The following PIK3R5 variants were observed in gnomAD, a reference collection of about 807,000 sequenced individuals.
The protein encoded by PIK3R5 is phosphoinositide 3-kinase regulatory subunit 5.
In PIK3R5, 32 loss-of-function variants were observed where a neutral mutation model predicts 94.9. That is an observed-to-expected ratio of 0.34 (90% CI 0.25 to 0.45). PIK3R5 has a LOEUF of 0.45. Ranked by LOEUF, PIK3R5 falls within the 20% of genes least tolerant of loss-of-function variation. The pLI is 1.00. For missense variants in PIK3R5, 853 were observed against 1,144.6 expected (o/e 0.75, Z 3.68); for synonymous variants, 443 against 479.4 (o/e 0.92, Z 0.99).
Position 8,889,850 on chromosome 17 carries a change from A to G in PIK3R5, c.811+123T>C. 1 of 958,720 alleles carries G rather than the reference A, an allele frequency of 1.0e-6. No individual in the cohort carries two copies. Among genetic ancestry groups the G allele is most frequent in the Non-Finnish European group, 1.6e-6 (1 of 624,088 alleles). 59.4% of individuals were successfully genotyped at this position (958,720 alleles called of 1,614,324 possible). On this transcript the variant is annotated intron_variant, in intron 8 of 18. Coordinates refer to ENST00000447110, the MANE Select transcript of PIK3R5 (RefSeq NM_001142633.3). This position sits in a 1 kb window ranked among gnomAD's most constrained non-coding sequence, Gnocchi z 4.1. ...GGATGGCAGAGCAGTGAGATGCTGAAGAAGCTGAGTCCCTGAGTGACTGTG... is the reference window on the plus strand; with the variant it reads ...GGATGGCAGAGCAGTGAGATGCTGAGGAAGCTGAGTCCCTGAGTGACTGTG...
In PIK3R5 at chr17:8,888,635, A is replaced by G; in HGVS notation, c.1152T>C (p.Ser384=). 6.2e-7 allele frequency: 1 copy of G among 1,613,400 alleles called. No homozygotes were observed. Among genetic ancestry groups the G allele is most frequent in the East Asian group, 2.2e-5 (1 of 44,870 alleles). Reference sequence around the variant, plus strand: ...CCACGTAGCCGCTGTCCATGCCATCAGAGAGGCCTGAGACAAAGGAAGTCA... The same window carrying G: ...CCACGTAGCCGCTGTCCATGCCATCGGAGAGGCCTGAGACAAAGGAAGTCA... ...HLLTSFVSGL[S]DGMDSGYVED... is the part of the protein sequence containing the mutation. Residue 384 remains serine (S), a synonymous_variant, in exon 10 of 19, where the codon TCT becomes TCC. Transcript: ENST00000447110. The surrounding 1 kb of genome is among the most constrained non-coding windows in gnomAD (Gnocchi z 7.8).
rs1159870069 is a variant in PIK3R5 at position 8,911,014 on chromosome 17, G to T, written c.103+378C>A. ...TTATTCTATAGGGAAGAGGAGGATA[G>T]GACTATGAGGGAACTAGAAACAAAC... On this transcript the variant is annotated intron_variant, in intron 2 of 18. Coordinates refer to ENST00000447110, the MANE Select transcript of PIK3R5 (RefSeq NM_001142633.3). This position sits in a 1 kb window ranked among gnomAD's most constrained non-coding sequence, Gnocchi z 5.3. Among the ~76,000 whole-genome samples the T allele has an allele frequency of 5.9e-5, 9 of 152,320 alleles. No individual in the cohort carries two copies. In the East Asian group the frequency reaches 1.7e-3, roughly 29 times the overall value.
intron 1 of PIK3R5, among the ~76,000 whole-genome samples, chr17:8,960,012 C>CCA (rs2091533113): frequency 6.6e-6 from 1 of 152,142 alleles, no homozygotes; most frequent in Admixed American, 6.5e-5. Context: ...GAGGCCCCCC[C>CCA]ATTAGTATTG....
At chr17:8,940,808 G>A (rs186403757) in intron 1 of PIK3R5, among the ~76,000 whole-genome samples, 1 of 152,256 alleles carries the variant, frequency 6.6e-6, no homozygotes, top group Admixed American at 6.5e-5. Context: ...TGATCTGCCT[G>A]CCTCGTCCTC....
At position 8,892,839 on chromosome 17, in the gene PIK3R5, C is replaced by G. The variant is rs2090059063; in HGVS notation, c.482+747G>C. 6.6e-6 allele frequency among the ~76,000 whole-genome samples: 1 copy of G among 152,080 alleles called. No homozygotes were observed. The highest frequency in any genetic ancestry group is 1.9e-4 in the East Asian group (1 of 5,184). On this transcript the variant is annotated intron_variant, in intron 6 of 18. Transcript: ENST00000447110. This position sits in a 1 kb window ranked among gnomAD's most constrained non-coding sequence, Gnocchi z 4.3. ...TGGTGAAGGCCGGGGTCCCTGGGCT[C>G]CCAACATGTCAAGGTGAGACAGCAC...
intron 1 of PIK3R5, among the ~76,000 whole-genome samples, chr17:8,936,053 CAAA>C (rs746258155): frequency 1.6e-4 from 10 of 63,934 alleles, no homozygotes; most frequent in South Asian, 5.1e-4. Context: ...GACTCCATCT[CAAA>C]AAAAAAAAAA....
chr17:8,926,609 C>T (rs1187843827), intron 1 of PIK3R5, among the ~76,000 whole-genome samples: 1 of 152,110 alleles, frequency 6.6e-6, no homozygotes, highest in African/African-American at 2.4e-5. Context: ...ATAGAACCAT[C>T]AAATCACGTG....
chr17:8,960,837 G>A (rs914091373), intron 1 of PIK3R5, among the ~76,000 whole-genome samples: 14 of 151,746 alleles, frequency 9.2e-5, no homozygotes, highest in South Asian at 2.1e-4. Flanking sequence ...CACTCCCTCC[G>A]GGCCCCACCC....
Position 8,889,032 on chromosome 17 carries a change from C to T in PIK3R5, c.895+107G>A. On this transcript the variant is annotated intron_variant, in intron 9 of 18. Transcript: ENST00000447110. The surrounding 1 kb of genome is among the most constrained non-coding windows in gnomAD (Gnocchi z 4.1). Reference sequence around the variant, plus strand: ...CCCCTTGCTCTGCTTAGAGCCTGCTCATGTGGGAGAGCTTTGGGGACGGGG... The same window carrying T: ...CCCCTTGCTCTGCTTAGAGCCTGCTTATGTGGGAGAGCTTTGGGGACGGGG... 1.3e-6 allele frequency: 2 copies of T among 1,514,566 alleles called. No homozygotes were observed. Among genetic ancestry groups the T allele is most frequent in the South Asian group, 1.3e-5 (1 of 78,594 alleles). 93.8% of individuals were successfully genotyped at this position (1,514,566 alleles called of 1,614,324 possible).
At position 8,887,561 on chromosome 17, in the gene PIK3R5, G is replaced by A. The variant is rs538501102; in HGVS notation, c.1739C>T (p.Pro580Leu). The A allele has an allele frequency of 3.1e-6, 5 of 1,608,552 alleles. No homozygotes were observed. The South Asian group carries it at 4.4e-5, about 14-fold the overall frequency. ...GACPPPRSQT[P>L]SPPTDSPRHA... ...CCTAGGGGAGTCTGTCGGGGGTGAG[G>A]GCGTCTGGCTCCGAGGGGGTGGACA... Residue 580 changes from proline to leucine, a missense_variant, in exon 11 of 19, where the codon CCC becomes CTC. By Grantham distance (98) the Pro-to-Leu change is moderately conservative (BLOSUM62 -3). This residue lies in a region of PIK3R5 where 319 missense variants were observed against 339.8 expected (regional missense o/e 0.94). Coordinates refer to ENST00000447110, the MANE Select transcript of PIK3R5 (RefSeq NM_001142633.3).
chr17:8,890,589 G>A lies in PIK3R5; in HGVS notation c.657+149C>T. The stretch of plus-strand genomic sequence containing the variant: ...CCAGCACACCAGAAACACCCTCTAT[G>A]AGGTCAGCCCTCCAGCCACCACCCT... On this transcript the variant is annotated intron_variant, in intron 7 of 18. Transcript: ENST00000447110. The surrounding 1 kb of genome is among the most constrained non-coding windows in gnomAD (Gnocchi z 6.1). 1 of 703,264 alleles carries A rather than the reference G, an allele frequency of 1.4e-6. No individual in the cohort carries two copies. Among genetic ancestry groups the A allele is most frequent in the Non-Finnish European group, 2.3e-6 (1 of 431,236 alleles). The allele number at this position is 703,264 out of a possible 1,614,324, so 43.6% of individuals were successfully genotyped here.
chr17:8,939,711 G>A (rs1009028802), intron 1 of PIK3R5, among the ~76,000 whole-genome samples: 14 of 152,204 alleles, frequency 9.2e-5, no homozygotes, highest in African/African-American at 2.2e-4. Context: ...ACGATGCCAC[G>A]TGTTCTCCAT....
chr17:8,949,377 G>A (rs1290496070), intron 1 of PIK3R5, among the ~76,000 whole-genome samples: 1 of 152,192 alleles, frequency 6.6e-6, no homozygotes, highest in Non-Finnish European at 1.5e-5. Flanking sequence ...ATGCCAAATA[G>A]GGAGGCTTGC....
Position 8,882,176 on chromosome 17 carries a change from G to A in PIK3R5, c.2206-295C>T. 2.4e-6 allele frequency: 1 copy of A among 411,636 alleles called. No homozygotes were observed. The highest frequency in any genetic ancestry group is 4.5e-6 in the Non-Finnish European group (1 of 221,950). 25.5% of individuals were successfully genotyped at this position (411,636 alleles called of 1,614,324 possible). A position where few individuals can be genotyped will look rare whatever the true frequency, so the allele number is the denominator to read the frequency against. On this transcript the variant is annotated intron_variant, in intron 15 of 18. Coordinates refer to ENST00000447110, the MANE Select transcript of PIK3R5 (RefSeq NM_001142633.3). The surrounding 1 kb of genome is among the most constrained non-coding windows in gnomAD (Gnocchi z 4.1). ...GAAGCTCTCCTGCCGGGCCCAGAGT[G>A]AAGAAGGGTTGGGCCCACAGACATG...
intron 1 of PIK3R5, among the ~76,000 whole-genome samples, chr17:8,917,943 A>G (rs1401671815): frequency 6.6e-6 from 1 of 152,234 alleles, no homozygotes; most frequent in Non-Finnish European, 1.5e-5. Flanking sequence ...TGAATAAACC[A>G]TAGATAATAA....
At chr17:8,942,064 C>T (rs922679614) in intron 1 of PIK3R5, among the ~76,000 whole-genome samples, 2 of 152,136 alleles carry the variant, frequency 1.3e-5, no homozygotes, top group East Asian at 1.9e-4. Context: ...CAGGTAGAGG[C>T]GAGGTCACCC....
At chr17:8,962,530 A>G (rs1474675578) in intron 1 of PIK3R5, among the ~76,000 whole-genome samples, 1 of 152,252 alleles carries the variant, frequency 6.6e-6, no homozygotes, top group Non-Finnish European at 1.5e-5. Flanking sequence ...CTATGAGAAC[A>G]ACATAATTCT....
intron 1 of PIK3R5, among the ~76,000 whole-genome samples, chr17:8,954,198 GA>G (rs2091428718): frequency 6.6e-6 from 1 of 152,234 alleles, no homozygotes. Flanking sequence ...GACTCAGAGG[GA>G]GGGCTACTTT....
At chr17:8,939,303 C>CT (rs35736738) in intron 1 of PIK3R5, among the ~76,000 whole-genome samples, 8 of 152,172 alleles carry the variant, frequency 5.3e-5, no homozygotes, top group African/African-American at 1.9e-4. Flanking sequence ...AATTCCTAAA[C>CT]TTTTTTGCAC....
Sources: gnomAD v4.1 joint callset for allele counts (sites outside exome capture counted in the v4.1 genomes callset) on GRCh38, gnomAD v4.1.1 for gene constraint, gnomAD v4.1.1 regional missense constraint, Gnocchi (gnomAD v3.1) non-coding constraint, MANE v1.5 for transcripts, NCBI Gene and HGNC (gene_info 2026-07-23, HGNC 2026-07-21) for gene names.